Variants in CA11 observed in about 807,000 individuals in gnomAD.
The protein encoded by CA11 is carbonic anhydrase 11 (inactive).
In CA11, 20 loss-of-function variants were observed where a neutral mutation model predicts 39.3. That is an observed-to-expected ratio of 0.51 (90% confidence interval 0.36 to 0.74). CA11 has a LOEUF of 0.74. CA11 is among the 30% of genes least tolerant of loss of function. The pLI, the probability that CA11 is intolerant of heterozygous loss-of-function variation, is 0.00. For synonymous variants in CA11, 166 were observed against 172.5 expected, an observed-to-expected ratio of 0.96 and a Z score of 0.29; for missense variants, 336 against 424.6, an observed-to-expected ratio of 0.79 and a Z score of 1.83.
At chr19:48,642,012 T>G (rs1344160269) in intron 3 of CA11, among the ~76,000 whole-genome samples, 1 of 151,732 alleles carries the variant, frequency 6.6e-6, no homozygotes, top group Non-Finnish European at 1.5e-5. Flanking sequence ...AGGGGTGACT[T>G]GCAAAAGAAC....
chr19:48,638,169 G>T, intron 8 of CA11, 25 bp from the exon 9 acceptor site: 1 of 1,327,784 alleles, frequency 7.5e-7, no homozygotes, highest in Non-Finnish European at 9.7e-7. Context: ...ACAACGGCAG[G>T]GGGCGTCAGT....
At chr19:48,638,697 A>G (rs753684497) in intron 8 of CA11, among the ~76,000 whole-genome samples, 191 bp downstream of exon 8, 5 of 152,158 alleles carry the variant, frequency 3.3e-5, no homozygotes, top group Non-Finnish European at 5.9e-5. Context: ...GTGGGCTAGC[A>G]ATGGCCTAGG....
chr19:48,637,963 T>C lies in CA11; in HGVS notation c.*156A>G. The C allele has an allele frequency of 1.1e-5, 5 of 463,932 alleles. No individual in the cohort carries two copies. 28.7% of individuals were successfully genotyped at this position (463,932 alleles called of 1,614,324 possible). Reference sequence around the variant, plus strand: ...AAGATTGGTTTCCGGAAGAAGTCTGTTCTTTAATACCCAAATGTTTCCCCA... The same window carrying C: ...AAGATTGGTTTCCGGAAGAAGTCTGCTCTTTAATACCCAAATGTTTCCCCA... On this transcript the variant is annotated 3_prime_UTR_variant, in exon 9 of 9. Transcript: ENST00000084798.
chr19:48,638,035 C>A lies in CA11; in HGVS notation c.*84G>T. 1 of 1,026,670 alleles carries A rather than the reference C, an allele frequency of 9.7e-7. No homozygotes were observed. The highest frequency in any genetic ancestry group is 1.4e-6 in the Non-Finnish European group (1 of 734,538). 63.6% of individuals were successfully genotyped at this position (1,026,670 alleles called of 1,614,324 possible). A position where few individuals can be genotyped will look rare whatever the true frequency, so the allele number is the denominator to read the frequency against. On this transcript the variant is annotated 3_prime_UTR_variant, in exon 9 of 9. Coordinates refer to ENST00000084798, the MANE Select transcript of CA11 (RefSeq NM_001217.5). ...TGAGAAAACAGGAAGTATTCTGTCC[C>A]TTTAATAGCTTTGTTTTAGGGGTAA...
rs1284749524 is a variant in CA11 at position 48,644,502 on chromosome 19, G to A, written c.210C>T (p.Pro70=). Residue 70 remains proline, a synonymous_variant, in exon 3 of 9, where the codon CCC becomes CCT. Coordinates refer to ENST00000084798, the MANE Select transcript of CA11 (RefSeq NM_001217.5). The stretch of plus-strand genomic sequence containing the variant: ...GAACCCTCTTCAGCTCCACATCCAC[G>A]GGGCTCTGCCGCTTCCCCACAGCAC... ...SLCAVGKRQS[P]VDVELKRVLY... 2.5e-6 allele frequency: 4 copies of A among 1,611,652 alleles called. No homozygotes were observed. Among genetic ancestry groups the A allele is most frequent in the African/African-American group, 2.7e-5 (2 of 74,866 alleles).
chr19:48,638,374 TGGGGGGGGGG>T, intron 8 of CA11: 1 of 80,758 alleles, frequency 1.2e-5, no homozygotes, highest in Non-Finnish European at 1.8e-5. Context: ...AAGGTCTTCA[TGGGGGGGGGG>T]GGGTGTGGAC....
intron 3 of CA11, among the ~76,000 whole-genome samples, chr19:48,641,290 A>G (rs779144791): frequency 5.9e-5 from 9 of 152,166 alleles, no homozygotes; most frequent in Non-Finnish European, 1.0e-4. Flanking sequence ...TCCAACAGTA[A>G]TTTAATCATT....
intron 7 of CA11, 58 bp from the exon 8 acceptor site, chr19:48,639,111 C>T: frequency 6.2e-7 from 1 of 1,601,568 alleles, no homozygotes; most frequent in Non-Finnish European, 8.5e-7. Context: ...TTGGTGACGT[C>T]ACGCAGGAAA....
intron 3 of CA11, among the ~76,000 whole-genome samples, chr19:48,641,761 C>T (rs1254286569): frequency 6.6e-6 from 1 of 151,872 alleles, no homozygotes; most frequent in East Asian, 1.9e-4. Flanking sequence ...CCTCCTGCCT[C>T]AGCCTCTCAA....
rs1328951024 is a variant in CA11 at position 48,645,666 on chromosome 19, G to A, written c.-34C>T. ...GGCCTCCGAGGGACCCCTGCCCAAC[G>A]CCCTGCCCCCCTCTCTCAGCTCCTC... On this transcript the variant is annotated 5_prime_UTR_variant, in exon 1 of 9. Coordinates refer to ENST00000084798, the MANE Select transcript of CA11 (RefSeq NM_001217.5). The A allele has an allele frequency of 9.5e-6, 14 of 1,477,514 alleles. No individual in the cohort carries two copies. The highest frequency in any genetic ancestry group is 1.3e-5 in the Non-Finnish European group (14 of 1,108,538). 91.5% of individuals were successfully genotyped at this position (1,477,514 alleles called of 1,614,324 possible).
Position 48,638,980 on chromosome 19 carries a change from G to A in CA11, c.869C>T (p.Pro290Leu). The A allele has an allele frequency of 6.2e-7, 1 of 1,613,910 alleles. No individual in the cohort carries two copies. Among genetic ancestry groups the A allele is most frequent in the Non-Finnish European group, 8.5e-7 (1 of 1,179,942 alleles). Residue 290 changes from proline (P) to leucine (L), a missense_variant, in exon 8 of 9, where the codon CCC becomes CTC. Transcript: ENST00000084798. ...TGCCCTGTGGGCCAAGGGCTGCAGG[G>A]GCCGGCTGTTACCGCTGAGGCTCTG... The part of the protein sequence containing the change: ...IFQSLSGNSR[P>L]LQPLAHRALR...
chr19:48,638,751 GA>G (rs2030944644), intron 8 of CA11, 136 bp downstream of exon 8: 1 of 983,788 alleles, frequency 1.0e-6, no homozygotes, highest in Non-Finnish European at 1.5e-6. Flanking sequence ...GGGAAAGAGA[GA>G]AAAAGAGACA....
chr19:48,639,392 G>T lies in CA11; in HGVS notation c.708C>A (p.Thr236=). ...LLFPESFGFI[T]YQGSLSTPPC... ...GCGGGGTGCTGAGAGAGCCCTGATAGGTGATGAAGCCGAAGGATTCAGGGA... is the reference window on the plus strand; with the variant it reads ...GCGGGGTGCTGAGAGAGCCCTGATATGTGATGAAGCCGAAGGATTCAGGGA... The change falls in exon 7 of 9, where the codon ACC becomes ACA. Residue 236 remains threonine (T), a synonymous_variant. Transcript: ENST00000084798. The T allele has an allele frequency of 2.5e-6, 4 of 1,613,838 alleles. No individual in the cohort carries two copies. Among genetic ancestry groups the T allele is most frequent in the Non-Finnish European group, 3.4e-6 (4 of 1,179,946 alleles).
intron 3 of CA11, among the ~76,000 whole-genome samples, chr19:48,640,671 G>GCTTTTTGTTTTTTTTT (rs1568443290): frequency 7.3e-6 from 1 of 136,452 alleles, no homozygotes. Flanking sequence ...ACCGCACCCG[G>GCTTTTTGTTTTTTTTT]TCTTTTTTTT....
chr19:48,638,402 T>C, intron 8 of CA11: 1 of 721,734 alleles, frequency 1.4e-6, no homozygotes, highest in Non-Finnish European at 1.7e-6. Context: ...GACTGTACCA[T>C]GTTGCGAAGC....
At chr19:48,640,673 CTTTT>C (rs542844572) in intron 3 of CA11, among the ~76,000 whole-genome samples, 1 of 119,750 alleles carries the variant, frequency 8.4e-6, no homozygotes, top group African/African-American at 3.3e-5. Context: ...CGCACCCGGT[CTTTT>C]TTTTTTTTCT....
rs556177871 is a variant in CA11 at position 48,644,317 on chromosome 19, G to A, written c.285+110C>T. The A allele has an allele frequency of 4.5e-5, 45 of 998,056 alleles. No individual in the cohort carries two copies. In the South Asian group the frequency reaches 8.6e-4, roughly 19 times the overall value. The allele number at this position is 998,056 out of a possible 1,614,324, so 61.8% of individuals were successfully genotyped here. A position where few individuals can be genotyped will look rare whatever the true frequency, so the allele number is the denominator to read the frequency against. Reference sequence around the variant, plus strand: ...AAGCAGCCTCCTCTCCACCCACTGGGTGTCCCCTCCTCCCCCAAGGCTGCT... The same window carrying A: ...AAGCAGCCTCCTCTCCACCCACTGGATGTCCCCTCCTCCCCCAAGGCTGCT... On this transcript the variant is annotated intron_variant, in intron 3 of 8. Transcript: ENST00000084798.
intron 3 of CA11, among the ~76,000 whole-genome samples, chr19:48,642,977 G>T (rs1453477441): frequency 1.3e-5 from 2 of 152,076 alleles, no homozygotes; most frequent in African/African-American, 2.4e-5. Context: ...TGTAATTCCA[G>T]TACCTTGGGA....
chr19:48,639,507 C>T (rs892495253), intron 6 of CA11, 42 bp downstream of exon 6: 10 of 1,613,738 alleles, frequency 6.2e-6, no homozygotes, highest in Non-Finnish European at 8.5e-6. Flanking sequence ...CTCTTGAACC[C>T]CCTCGTGTGT....
Sources: allele counts gnomAD v4.1 joint callset (sites outside exome capture counted in the v4.1 genomes callset), GRCh38; gene constraint gnomAD v4.1.1; transcripts MANE v1.5; gene names NCBI Gene and HGNC (gene_info 2026-07-23, HGNC 2026-07-21).